The following GRIK1 variants were observed in gnomAD, a reference collection of about 807,000 sequenced individuals.
GRIK1 encodes the protein glutamate ionotropic receptor kainate type subunit 1, also known as glutamate receptor ionotropic, kainate 1.
Under a neutral mutation model 105.7 loss-of-function variants are expected in GRIK1, and 69 were observed. The ratio of observed to expected loss-of-function variants is 0.65; its 90% CI spans 0.54 to 0.80. GRIK1 has a LOEUF of 0.80. Among genes scored for constraint, GRIK1 ranks in the 30% least tolerant of loss-of-function variants. The pLI is 0.00. For synonymous variants in GRIK1, 438 were observed against 431.3 expected (o/e 1.02, Z -0.19); for missense variants, 1,109 against 1,167.3 (o/e 0.95, Z 0.73).
chr21:29,650,298 C>T (rs1037915865), intron 6 of GRIK1, among the ~76,000 whole-genome samples: 1 of 152,136 alleles, frequency 6.6e-6, no homozygotes, highest in Non-Finnish European at 1.5e-5. Flanking sequence ...GAGTGCGTCT[C>T]CCGATGATAG....
At chr21:29,782,607 G>A (rs1323500598) in intron 1 of GRIK1, among the ~76,000 whole-genome samples, 1 of 152,116 alleles carries the variant, frequency 6.6e-6, no homozygotes, top group Non-Finnish European at 1.5e-5. Flanking sequence ...AGAGACAGGG[G>A]CCTGGATTAC....
chr21:29,922,486 A>T (rs751281764), intron 1 of GRIK1, among the ~76,000 whole-genome samples: 10 of 152,112 alleles, frequency 6.6e-5, no homozygotes, highest in Non-Finnish European at 1.0e-4. Context: ...ATATTTTGTC[A>T]TTATACAGAA....
intron 1 of GRIK1, among the ~76,000 whole-genome samples, chr21:29,836,656 T>A (rs942007160): frequency 6.6e-6 from 1 of 152,014 alleles, no homozygotes; most frequent in Non-Finnish European, 1.5e-5. Context: ...CACATATACA[T>A]GTGTAATGTT....
chr21:29,845,025 A>G (rs1205542755), intron 1 of GRIK1, among the ~76,000 whole-genome samples: 1 of 152,172 alleles, frequency 6.6e-6, no homozygotes, highest in Non-Finnish European at 1.5e-5. Flanking sequence ...AAGGATATTT[A>G]TATTATTCCT....
Position 29,695,915 on chromosome 21 carries a change from T to C in GRIK1, c.119-1852A>G, listed in dbSNP as rs375089106. 7.9e-5 allele frequency among the ~76,000 whole-genome samples: 12 copies of C among 152,302 alleles called. No homozygotes were observed. The East Asian group carries it at 2.3e-3, about 29-fold the overall frequency. ...CCATTCAAAGGGGGAAAAAAAAGAA[T>C]ATAGAAAAAGTCTGAAACGAAAATC... On this transcript the variant is annotated intron_variant, in intron 1 of 17. Coordinates refer to ENST00000327783, the MANE Select transcript of GRIK1 (RefSeq NM_001330994.2).
intron 1 of GRIK1, among the ~76,000 whole-genome samples, chr21:29,935,147 C>A (rs2071704362): frequency 1.3e-5 from 2 of 152,210 alleles, no homozygotes; most frequent in Admixed American, 1.3e-4. Flanking sequence ...ACACTCTATG[C>A]ACTTGGAAGC....
intron 3 of GRIK1, among the ~76,000 whole-genome samples, chr21:29,683,960 T>A (rs1156246883): frequency 6.6e-6 from 1 of 152,212 alleles, no homozygotes; most frequent in African/African-American, 2.4e-5. Flanking sequence ...GATTTGTTTT[T>A]TATCCTCTTT....
chr21:29,655,244 A>T (rs1443690964), intron 4 of GRIK1, among the ~76,000 whole-genome samples: 2 of 152,200 alleles, frequency 1.3e-5, no homozygotes, highest in African/African-American at 4.8e-5. Context: ...TCCTGTCTCT[A>T]CTAAAAATAC....
At chr21:29,785,889 C>T (rs1279278424) in intron 1 of GRIK1, among the ~76,000 whole-genome samples, 2 of 152,190 alleles carry the variant, frequency 1.3e-5, no homozygotes, top group Non-Finnish European at 1.5e-5. Context: ...CCTATATTGC[C>T]TCTGTCAGTT....
chr21:29,627,443 C>T (rs1301643583), intron 7 of GRIK1, among the ~76,000 whole-genome samples: 1 of 152,198 alleles, frequency 6.6e-6, no homozygotes, highest in African/African-American at 2.4e-5. Context: ...GGCAATGACA[C>T]TGAGGAAAGG....
intron 1 of GRIK1, among the ~76,000 whole-genome samples, chr21:29,927,827 C>T (rs191510528): frequency 4.5e-4 from 69 of 152,046 alleles, no homozygotes; most frequent in African/African-American, 1.6e-3. Context: ...GCCAAGATCG[C>T]ACCACTGCAC....
chr21:29,757,446 G>A (rs2065379045), intron 1 of GRIK1, among the ~76,000 whole-genome samples: 1 of 152,140 alleles, frequency 6.6e-6, no homozygotes, highest in South Asian at 2.1e-4. Context: ...CACTACTTCT[G>A]TGAATAAAAG....
chr21:29,709,318 T>C (rs538792835), intron 1 of GRIK1, among the ~76,000 whole-genome samples: 2 of 150,290 alleles, frequency 1.3e-5, no homozygotes, highest in Non-Finnish European at 3.0e-5. Flanking sequence ...TCTAGCTCTG[T>C]TGCCCAGATT....
rs530726863 is a variant in GRIK1 at position 29,722,469 on chromosome 21, T to A, written c.119-28406A>T. ...TACTCAGGTGGGTGAGGCAGGAGAA[T>A]GGTGTGAACCCGGGAGGCAGAGCTT... On this transcript the variant is annotated intron_variant, in intron 1 of 17. Coordinates refer to ENST00000327783, the MANE Select transcript of GRIK1 (RefSeq NM_001330994.2). 9.3e-5 allele frequency among the ~76,000 whole-genome samples: 14 copies of A among 151,170 alleles called. No homozygotes were observed. The East Asian group carries it at 2.7e-3, about 30-fold the overall frequency.
intron 1 of GRIK1, among the ~76,000 whole-genome samples, chr21:29,743,015 G>A (rs931460538): frequency 6.6e-6 from 1 of 151,568 alleles, no homozygotes; most frequent in Non-Finnish European, 1.5e-5. Context: ...GTTTCACGCT[G>A]GATGGGGCTA....
intron 1 of GRIK1, among the ~76,000 whole-genome samples, chr21:29,824,166 CTATAAATA>C (rs1005763761): frequency 9.9e-5 from 15 of 151,870 alleles, no homozygotes; most frequent in African/African-American, 3.6e-4. Context: ...TAATTATACA[CTATAAATA>C]TATAAATATA....
intron 1 of GRIK1, among the ~76,000 whole-genome samples, chr21:29,898,005 G>A (rs533984518): frequency 6.6e-6 from 1 of 152,298 alleles, no homozygotes; most frequent in South Asian, 2.1e-4. Context: ...AAGGATTAAA[G>A]TAACTTGCCC....
At chr21:29,884,645 A>C (rs1344532426) in intron 1 of GRIK1, among the ~76,000 whole-genome samples, 1 of 152,082 alleles carries the variant, frequency 6.6e-6, no homozygotes. Context: ...GCTACATTGC[A>C]TTACTAGTAA....
chr21:29,656,172 T>C (rs2062843808), intron 4 of GRIK1, among the ~76,000 whole-genome samples: 1 of 150,652 alleles, frequency 6.6e-6, no homozygotes, highest in Admixed American at 6.6e-5. Flanking sequence ...ACCATCCTGG[T>C]TAACACGGTG....
Sources: allele counts gnomAD v4.1 joint callset (sites outside exome capture counted in the v4.1 genomes callset), GRCh38; gene constraint gnomAD v4.1.1; transcripts MANE v1.5; gene names NCBI Gene and HGNC (gene_info 2026-07-23, HGNC 2026-07-21).